GATB: variants seen among roughly 807,000 people sequenced by gnomAD.
GATB encodes the protein glutamyl-tRNA amidotransferase subunit B, also known as glutamyl-tRNA(Gln) amidotransferase subunit B, mitochondrial.
GATB carries 39 observed loss-of-function variants against 62.3 expected under a neutral mutation model. The observed-to-expected ratio is 0.63, with a 90% CI of 0.48 to 0.82. GATB has a LOEUF of 0.82. Among genes scored for constraint, GATB ranks in the 40% least tolerant of loss-of-function variants. The pLI, the probability that GATB is intolerant of heterozygous loss-of-function variation, is 0.00. For synonymous variants in GATB, 276 were observed against 258.9 expected, an observed-to-expected ratio of 1.07 and a Z score of -0.63; for missense variants, 670 against 684.0, an observed-to-expected ratio of 0.98 and a Z score of 0.23.
chr4:151,745,666 C>T (rs1459143728), intron 2 of GATB, among the ~76,000 whole-genome samples: 1 of 152,206 alleles, frequency 6.6e-6, no homozygotes, highest in East Asian at 1.9e-4. Context: ...GGCATCACAT[C>T]ATATTTATTC....
intron 2 of GATB, among the ~76,000 whole-genome samples, chr4:151,731,245 C>T (rs1039896078): frequency 1.6e-4 from 25 of 152,178 alleles, no homozygotes; most frequent in African/African-American, 6.0e-4. Context: ...CTGCCGAGTG[C>T]CTGCCATTGC....
intron 2 of GATB, chr4:151,723,207 G>C (rs1414547094): frequency 6.6e-6 from 1 of 152,142 alleles, no homozygotes; most frequent in Non-Finnish European, 1.5e-5. Flanking sequence ...ATTGTGCACT[G>C]ACACTGTGTC....
At chr4:151,687,859 C>A (rs1442069702) in intron 10 of GATB, among the ~76,000 whole-genome samples, 1 of 152,208 alleles carries the variant, frequency 6.6e-6, no homozygotes, top group Non-Finnish European at 1.5e-5. Flanking sequence ...CCTTCCCCAC[C>A]TCCAAAATCA....
chr4:151,716,872 C>G lies in GATB; in HGVS notation c.640+4G>C, dbSNP rs1738922429. 1.2e-6 allele frequency: 2 copies of G among 1,613,900 alleles called. No individual in the cohort carries two copies. Among genetic ancestry groups the G allele is most frequent in the Non-Finnish European group, 1.7e-6 (2 of 1,179,806 alleles). On this transcript the variant is annotated splice_donor_region_variant and intron_variant, in intron 4 of 12. Transcript: ENST00000263985. ...GAGAAATAATGAAAACACTCCAAGC[C>G]TACCTGCCCTGTTCAAATCAATGAG... is the stretch of plus-strand genomic sequence containing the variant.
chr4:151,702,584 G>A (rs542507329), intron 8 of GATB, among the ~76,000 whole-genome samples: 1 of 152,280 alleles, frequency 6.6e-6, no homozygotes, highest in South Asian at 2.1e-4. Flanking sequence ...AGGAGACTCT[G>A]GGGGGAGAGT....
intron 9 of GATB, among the ~76,000 whole-genome samples, chr4:151,696,685 T>G (rs1052329872): frequency 1.3e-5 from 2 of 152,234 alleles, no homozygotes; most frequent in Non-Finnish European, 2.9e-5. Context: ...CAATGTGAAT[T>G]GCAGAGCATG....
At chr4:151,692,675 C>T (rs1330786306) in intron 9 of GATB, among the ~76,000 whole-genome samples, 7 of 152,174 alleles carry the variant, frequency 4.6e-5, no homozygotes, top group Admixed American at 4.6e-4. Flanking sequence ...TCTCCTGCCC[C>T]CTGCCTTGCC....
rs1328378347 is a variant in GATB at position 151,671,199 on chromosome 4, A to G, written c.1649T>C (p.Ile550Thr). The change falls in exon 13 of 13, where the codon ATC becomes ACC. Residue 550 changes from isoleucine to threonine, a missense_variant. Ile to Thr is a moderately conservative substitution (Grantham distance 89). Transcript: ENST00000263985. ...TCACAATGACAGCTTCTTCTCCAGG[A>G]TCTCCTTTATCATGACTGGATCTGC... ...SRADPVMIKEILEKKLSL is the reference protein window; with the variant it reads ...SRADPVMIKETLEKKLSL The G allele has an allele frequency of 6.2e-7, 1 of 1,613,872 alleles. No homozygotes were observed. Among genetic ancestry groups the G allele is most frequent in the Non-Finnish European group, 8.5e-7 (1 of 1,180,012 alleles).
rs557461894 is a variant in GATB at position 151,707,329 on chromosome 4, T to C, written c.877+659A>G. 3.3e-5 allele frequency among the ~76,000 whole-genome samples: 5 copies of C among 152,314 alleles called. 1 individual carries two copies. The East Asian group carries it at 7.7e-4, about 24-fold the overall frequency. On this transcript the variant is annotated intron_variant, in intron 6 of 12. Transcript: ENST00000263985. Reference sequence around the variant, plus strand: ...TTTTCTTAGAGACAGAGTCTTGCTCTGTCGCCCAGGCTAGAGTGCAGTGGC... The same window carrying C: ...TTTTCTTAGAGACAGAGTCTTGCTCCGTCGCCCAGGCTAGAGTGCAGTGGC...
intron 1 of GATB, among the ~76,000 whole-genome samples, chr4:151,759,803 T>C (rs1560869755): frequency 1.3e-5 from 2 of 152,092 alleles, no homozygotes; most frequent in African/African-American, 4.8e-5. Context: ...TATATATATA[T>C]ATACATATTT....
chr4:151,747,851 C>T (rs1051017829), intron 2 of GATB, among the ~76,000 whole-genome samples: 4 of 152,104 alleles, frequency 2.6e-5, no homozygotes, highest in African/African-American at 9.7e-5. Context: ...GAGTTCATCA[C>T]CCACAGACCT....
chr4:151,731,255 C>A (rs182198514), intron 2 of GATB, among the ~76,000 whole-genome samples: 1 of 152,168 alleles, frequency 6.6e-6, no homozygotes, highest in Non-Finnish European at 1.5e-5. Context: ...CCTGCCATTG[C>A]GGGCGCGCGC....
intron 9 of GATB, among the ~76,000 whole-genome samples, chr4:151,693,510 C>G (rs1331323849): frequency 2.0e-5 from 3 of 151,482 alleles, no homozygotes; most frequent in Admixed American, 1.3e-4. Flanking sequence ...CGACCCCCCC[C>G]TCAAGAGTGT....
intron 5 of GATB, among the ~76,000 whole-genome samples, chr4:151,710,898 C>T (rs1738805336): frequency 6.6e-6 from 1 of 152,212 alleles, no homozygotes; most frequent in Admixed American, 6.5e-5. Context: ...ACACTTACAG[C>T]TCTGGTATCT....
chr4:151,731,578 C>T (rs951432178), intron 2 of GATB, among the ~76,000 whole-genome samples: 11 of 152,032 alleles, frequency 7.2e-5, no homozygotes, highest in Admixed American at 5.9e-4. Context: ...GGCCACCCAT[C>T]GTCTGGGATG....
At chr4:151,734,508 T>C (rs1354562577) in intron 2 of GATB, among the ~76,000 whole-genome samples, 3 of 152,040 alleles carry the variant, frequency 2.0e-5, no homozygotes, top group Admixed American at 6.6e-5. Flanking sequence ...ATTGTGAAAA[T>C]GACCATAGTG....
At chr4:151,752,443 TC>T (rs1739739068) in intron 2 of GATB, among the ~76,000 whole-genome samples, 1 of 152,188 alleles carries the variant, frequency 6.6e-6, no homozygotes, top group Non-Finnish European at 1.5e-5. Flanking sequence ...ATGCTGAACT[TC>T]CTGGACTGAT....
chr4:151,739,474 C>T (rs546814239), intron 2 of GATB, among the ~76,000 whole-genome samples: 5 of 152,128 alleles, frequency 3.3e-5, no homozygotes, highest in South Asian at 2.1e-4. Context: ...CCCAAGATGC[C>T]GCAGCGTAGA....
At chr4:151,696,541 T>C (rs570924749) in intron 9 of GATB, among the ~76,000 whole-genome samples, 1 of 152,350 alleles carries the variant, frequency 6.6e-6, no homozygotes, top group Non-Finnish European at 1.5e-5. Flanking sequence ...GAAGTCAGCA[T>C]GATCTGAATG....
Sources: allele counts gnomAD v4.1 joint callset (sites outside exome capture counted in the v4.1 genomes callset), GRCh38; gene constraint gnomAD v4.1.1; transcripts MANE v1.5; gene names NCBI Gene and HGNC (gene_info 2026-07-23, HGNC 2026-07-21).